Variants in FAF2 observed in about 807,000 individuals in gnomAD.
The protein encoded by FAF2 is Fas associated factor family member 2.
FAF2 carries 9 observed loss-of-function variants against 62.3 expected under a neutral mutation model. The observed-to-expected ratio is 0.14, with a 90% CI of 0.09 to 0.25. The LOEUF (loss-of-function observed/expected upper bound fraction) is 0.25. FAF2 is among the 10% of genes least tolerant of loss of function. FAF2 has a pLI of 1.00. For missense variants in FAF2, 368 were observed against 556.2 expected (o/e 0.66, Z 3.40); for synonymous variants, 202 against 198.0 (o/e 1.02, Z -0.17).
intron 10 of FAF2, among the ~76,000 whole-genome samples, chr5:176,505,862 T>C (rs1223946347): frequency 6.6e-6 from 1 of 152,156 alleles, no homozygotes; most frequent in East Asian, 1.9e-4. Flanking sequence ...CACACGTTGA[T>C]TGATGGGCTT....
chr5:176,497,006 C>T, intron 8 of FAF2: 1 of 157,192 alleles, frequency 6.4e-6, no homozygotes, highest in Non-Finnish European at 1.4e-5. Flanking sequence ...ATTAGCTAGG[C>T]ATGGTGGTAC....
At chr5:176,449,711 G>A (rs941021736) in intron 1 of FAF2, among the ~76,000 whole-genome samples, 11 of 152,214 alleles carry the variant, frequency 7.2e-5, no homozygotes, top group African/African-American at 2.2e-4. Context: ...TAGACCTAAA[G>A]TTATTGATAC....
At position 176,507,387 on chromosome 5, in the gene FAF2, GCCTCTGGGGAAGAGAGGGAAGAGAAAGC is replaced by G. The variant is rs1755704677; in HGVS notation, c.*438_*465del. ...CATCTCCTGAGGACTTGCTTCTCCT[GCCTCTGGGGAAGAGAGGGAAGAGAAAGC>G]ACAGAGCAGAGAAGCAGAGATGTTC... is the stretch of plus-strand genomic sequence containing the variant. On this transcript the variant is annotated 3_prime_UTR_variant, in exon 11 of 11. Transcript: ENST00000261942. The G allele has an allele frequency of 4.5e-6, 2 of 444,720 alleles. No homozygotes were observed. The highest frequency in any genetic ancestry group is 3.2e-5 in the South Asian group (2 of 62,154). 27.5% of individuals were successfully genotyped at this position (444,720 alleles called of 1,614,324 possible).
intron 1 of FAF2, among the ~76,000 whole-genome samples, chr5:176,478,633 G>A (rs1232827322): frequency 6.6e-6 from 1 of 152,226 alleles, no homozygotes; most frequent in African/African-American, 2.4e-5. Context: ...TGTAGAGGTT[G>A]AGTATTCCTT....
chr5:176,490,725 A>G (rs1408317650), intron 4 of FAF2, among the ~76,000 whole-genome samples: 1 of 152,200 alleles, frequency 6.6e-6, no homozygotes, highest in Non-Finnish European at 1.5e-5. Context: ...AAGAATGAAC[A>G]TGTAAAAATC....
intron 1 of FAF2, among the ~76,000 whole-genome samples, chr5:176,457,487 G>A (rs536363646): frequency 2.0e-5 from 3 of 152,186 alleles, no homozygotes; most frequent in East Asian, 3.9e-4. Context: ...CACTGTGCCC[G>A]GCCATAAACG....
At chr5:176,492,736 G>A (rs1201235099) in intron 5 of FAF2, among the ~76,000 whole-genome samples, 1 of 151,918 alleles carries the variant, frequency 6.6e-6, no homozygotes, top group Non-Finnish European at 1.5e-5. Context: ...CCTGATTGTT[G>A]TGCCCTGTCC....
At chr5:176,470,633 ACACT>A (rs1758549973) in intron 1 of FAF2, among the ~76,000 whole-genome samples, 1 of 151,900 alleles carries the variant, frequency 6.6e-6, no homozygotes, top group Non-Finnish European at 1.5e-5. Context: ...GTTTAAAAAC[ACACT>A]CACACACACA....
intron 1 of FAF2, among the ~76,000 whole-genome samples, chr5:176,460,001 G>A (rs1426837719): frequency 6.6e-6 from 1 of 152,090 alleles, no homozygotes; most frequent in Non-Finnish European, 1.5e-5. Flanking sequence ...TTTTGGTTCT[G>A]CATTAATTTG....
At chr5:176,454,689 C>G (rs1256373870) in intron 1 of FAF2, among the ~76,000 whole-genome samples, 4 of 151,710 alleles carry the variant, frequency 2.6e-5, no homozygotes, top group Admixed American at 2.6e-4. Context: ...TTTTATTTCC[C>G]CATTCTAATT....
chr5:176,495,403 G>A (rs962000552), intron 7 of FAF2, among the ~76,000 whole-genome samples: 2 of 151,908 alleles, frequency 1.3e-5, no homozygotes, highest in Non-Finnish European at 2.9e-5. Flanking sequence ...TAGAAGGAAG[G>A]TAAGGATTTT....
intron 1 of FAF2, among the ~76,000 whole-genome samples, chr5:176,476,214 C>T (rs943042039): frequency 3.3e-5 from 5 of 152,014 alleles, no homozygotes; most frequent in African/African-American, 7.3e-5. Flanking sequence ...GAGCCAAGAT[C>T]GTTCCACTGC....
chr5:176,473,659 A>G (rs912284343), intron 1 of FAF2, among the ~76,000 whole-genome samples: 15 of 152,286 alleles, frequency 9.8e-5, no homozygotes, highest in African/African-American at 1.9e-4. Context: ...ATATTTTTCT[A>G]TTCTCCCCAG....
chr5:176,461,021 T>C (rs1758369443), intron 1 of FAF2, among the ~76,000 whole-genome samples: 1 of 150,598 alleles, frequency 6.6e-6, no homozygotes, highest in Non-Finnish European at 1.5e-5. Flanking sequence ...TTCTTCTCTT[T>C]TTTTTTTTTC....
At chr5:176,451,867 T>C (rs1327720956) in intron 1 of FAF2, among the ~76,000 whole-genome samples, 2 of 38,082 alleles carry the variant, frequency 5.3e-5, no homozygotes, top group African/African-American at 2.4e-4. Context: ...CACATATATA[T>C]ATACACACAT....
chr5:176,452,090 C>T (rs1322727769), intron 1 of FAF2, among the ~76,000 whole-genome samples: 1 of 150,346 alleles, frequency 6.7e-6, no homozygotes, highest in East Asian at 2.0e-4. Context: ...CGGAGGCTTG[C>T]TCTGTTGCCC....
At chr5:176,468,771 A>G (rs1038268524) in intron 1 of FAF2, among the ~76,000 whole-genome samples, 1 of 150,398 alleles carries the variant, frequency 6.6e-6, no homozygotes, top group Non-Finnish European at 1.5e-5. Context: ...CCACCAATCT[A>G]GCCCCCAAAA....
chr5:176,496,710 T>C (rs1455680845), intron 8 of FAF2, 47 bp downstream of exon 8: 1 of 1,429,600 alleles, frequency 7.0e-7, no homozygotes. Flanking sequence ...AGTTGTAAAT[T>C]TGGAGGGCTG....
chr5:176,496,441 T>C lies in FAF2; in HGVS notation c.662-45T>C, dbSNP rs768532302. ...GTGGAAAGTCTAAGGGTTGATCTTT[T>C]TCACCGTCAAGTCCTGCCCTTGATC... On this transcript the variant is annotated intron_variant, in intron 7 of 10. Coordinates refer to ENST00000261942, the MANE Select transcript of FAF2 (RefSeq NM_014613.3). The C allele has an allele frequency of 4.8e-6, 7 of 1,457,274 alleles. No individual in the cohort carries two copies. In the South Asian group the frequency reaches 5.8e-5, roughly 12 times the overall value. The allele number at this position is 1,457,274 out of a possible 1,614,324, so 90.3% of individuals were successfully genotyped here.
Sources: gnomAD v4.1 joint callset for allele counts (sites outside exome capture counted in the v4.1 genomes callset) on GRCh38, gnomAD v4.1.1 for gene constraint, MANE v1.5 for transcripts, NCBI Gene and HGNC (gene_info 2026-07-23, HGNC 2026-07-21) for gene names.